Variants in PVT1 observed in about 807,000 individuals in gnomAD.
PVT1 encodes Pvt1 oncogene.
intron 4 of PVT1, among the ~76,000 whole-genome samples, chr8:128,023,481 A>G (rs529536961): frequency 1.4e-3 from 211 of 152,300 alleles, no homozygotes; most frequent in African/African-American, 4.8e-3. Context: ...ACAGTGGGAA[A>G]CTCAGTAATA....
intron 2 of PVT1, among the ~76,000 whole-genome samples, chr8:127,818,267 T>C (rs904691612): frequency 1.3e-5 from 2 of 152,136 alleles, no homozygotes; most frequent in Non-Finnish European, 1.5e-5. Context: ...CCTGCCAAGA[T>C]ACGCCTTTCA....
At chr8:128,036,010 G>A (rs1378935532) in intron 4 of PVT1, among the ~76,000 whole-genome samples, 2 of 152,184 alleles carry the variant, frequency 1.3e-5, no homozygotes, top group African/African-American at 4.8e-5. Context: ...CCAAGTTTGC[G>A]ATGATTTGTT....
intron 3 of PVT1, among the ~76,000 whole-genome samples, chr8:127,911,602 C>T (rs1008395685): frequency 2.0e-5 from 3 of 152,216 alleles, no homozygotes; most frequent in African/African-American, 4.8e-5. Flanking sequence ...TTCTCATCCT[C>T]GCTACCACCC....
At chr8:128,042,968 T>C (rs961265835) in intron 4 of PVT1, among the ~76,000 whole-genome samples, 1 of 151,986 alleles carries the variant, frequency 6.6e-6, no homozygotes, top group Non-Finnish European at 1.5e-5. Context: ...TTCACCATGT[T>C]GGCCAGGCTG....
intron 3 of PVT1, among the ~76,000 whole-genome samples, chr8:127,904,399 C>T (rs1815795428): frequency 1.2e-5 from 1 of 83,486 alleles, no homozygotes; most frequent in South Asian, 3.9e-4. Context: ...CCCTGCTGTG[C>T]AGCACTTTCA....
intron 4 of PVT1, among the ~76,000 whole-genome samples, chr8:127,995,085 AT>A (rs1415445987): frequency 6.6e-6 from 1 of 152,162 alleles, no homozygotes; most frequent in East Asian, 1.9e-4. Context: ...CAATACCTGT[AT>A]TTACTGGGTA....
chr8:128,013,218 G>A (rs1336236478), intron 4 of PVT1, among the ~76,000 whole-genome samples: 1 of 152,064 alleles, frequency 6.6e-6, no homozygotes, highest in Non-Finnish European at 1.5e-5. Flanking sequence ...TCTGTAACAT[G>A]GGGATAATAA....
At chr8:127,855,628 G>T (rs543481313) in intron 2 of PVT1, among the ~76,000 whole-genome samples, 2 of 152,332 alleles carry the variant, frequency 1.3e-5, no homozygotes, top group South Asian at 2.1e-4. Flanking sequence ...CCCCAGGAGA[G>T]ACTGGAGAGC....
intron 2 of PVT1, among the ~76,000 whole-genome samples, chr8:127,830,019 C>T (rs1460912195): frequency 6.6e-6 from 1 of 152,186 alleles, no homozygotes; most frequent in Admixed American, 6.5e-5. Flanking sequence ...ATTCTCTCTT[C>T]TTGTAATAAT....
chr8:128,046,486 G>A (rs1399207108), intron 4 of PVT1, among the ~76,000 whole-genome samples: 3 of 152,216 alleles, frequency 2.0e-5, no homozygotes, highest in African/African-American at 7.2e-5. Flanking sequence ...TCTTAGAACT[G>A]TAGGATACTG....
At chr8:127,922,285 C>G (rs1047432448) in intron 3 of PVT1, among the ~76,000 whole-genome samples, 3 of 145,448 alleles carry the variant, frequency 2.1e-5, no homozygotes, top group Non-Finnish European at 3.0e-5. Context: ...CACCCCCCCC[C>G]CCACCAAGGA....
At chr8:127,873,817 A>G (rs570694876) in intron 2 of PVT1, among the ~76,000 whole-genome samples, 98 of 152,212 alleles carry the variant, frequency 6.4e-4, no homozygotes, top group African/African-American at 2.3e-3. Flanking sequence ...TGTGTTGTCC[A>G]TTTTTCCTTT....
rs1387131461 is a variant in PVT1, at chr8:127,865,861, G to A, written n.373-24728G>A. On this transcript the variant is annotated intron_variant and non_coding_transcript_variant, in intron 2 of 10. Coordinates refer to ENST00000651587, the Ensembl canonical transcript of PVT1. ...AGTGGGAGCTGAGGGCAGTCCAAGG[G>A]AAATGTCCTTTGAGTGTGGCACCGG... Among the ~76,000 whole-genome samples the A allele has an allele frequency of 2.0e-5, 3 of 152,206 alleles. No individual in the cohort carries two copies. In the East Asian group the frequency reaches 5.8e-4, roughly 29 times the overall value.
intron 2 of PVT1, among the ~76,000 whole-genome samples, chr8:127,889,326 C>T (rs1176823182): frequency 6.6e-6 from 1 of 151,994 alleles, no homozygotes; most frequent in African/African-American, 2.4e-5. Flanking sequence ...GACAGGGTTT[C>T]ACCATGTTGG....
intron 4 of PVT1, among the ~76,000 whole-genome samples, chr8:128,063,038 T>C (rs937172164): frequency 3.9e-5 from 6 of 152,212 alleles, no homozygotes; most frequent in African/African-American, 1.4e-4. Flanking sequence ...CCCAGTGGAT[T>C]GATGTGAGAC....
intron 4 of PVT1, among the ~76,000 whole-genome samples, chr8:128,063,712 G>A (rs1404872687): frequency 1.3e-5 from 2 of 152,154 alleles, no homozygotes; most frequent in Admixed American, 6.5e-5. Context: ...AGAGTCTGGG[G>A]AGGGGGTTGG....
rs549793709 is a variant in PVT1, at chr8:127,930,765, C to T, written n.782+39767C>T. ...GAGCAGTGGGTGGATTTACAGACTC[C>T]GCTGAGAACCCCCTTATAGCATATT... On this transcript the variant is annotated intron_variant and non_coding_transcript_variant, in intron 3 of 10. Transcript: ENST00000651587. Among the ~76,000 whole-genome samples, 7 of 151,818 alleles carry T rather than the reference C, an allele frequency of 4.6e-5. No individual in the cohort carries two copies. In the East Asian group the frequency reaches 7.8e-4, roughly 17 times the overall value.
chr8:127,856,339 A>G (rs992227627), intron 2 of PVT1, among the ~76,000 whole-genome samples: 3 of 150,676 alleles, frequency 2.0e-5, no homozygotes, highest in Non-Finnish European at 2.9e-5. Flanking sequence ...CCAGCTGTAC[A>G]TACGTATATA....
intron 6 of PVT1, among the ~76,000 whole-genome samples, chr8:128,100,472 C>T (rs1309216679): frequency 6.6e-6 from 1 of 152,176 alleles, no homozygotes; most frequent in African/African-American, 2.4e-5. Flanking sequence ...CACACTTGAG[C>T]TGCGGTCCAG....
Sources: allele counts gnomAD v4.1 joint callset (sites outside exome capture counted in the v4.1 genomes callset), GRCh38; gene constraint gnomAD v4.1.1; transcripts MANE v1.5; gene names NCBI Gene and HGNC (gene_info 2026-07-23, HGNC 2026-07-21).